HS3ST4: variants seen among roughly 807,000 people sequenced by gnomAD.
HS3ST4 encodes heparan sulfate-glucosamine 3-sulfotransferase 4.
A neutral mutation model predicts 29.2 loss-of-function variants in HS3ST4; 17 were observed. That is an observed-to-expected ratio of 0.58 (90% confidence interval 0.40 to 0.87). The LOEUF is 0.87. Among genes scored for constraint, HS3ST4 ranks in the 40% least tolerant of loss-of-function variants. The pLI, the probability that HS3ST4 is intolerant of heterozygous loss-of-function variation, is 0.00. For synonymous variants in HS3ST4, 314 were observed against 285.7 expected (o/e 1.10, Z -1.00); for missense variants, 627 against 634.5 (o/e 0.99, Z 0.13).
At position 25,720,888 on chromosome 16, in the gene HS3ST4, C is replaced by T. The variant is rs544576522; in HGVS notation, c.734+27737C>T. The stretch of plus-strand genomic sequence containing the variant: ...ACTTCCAAGTGGACAGTTGGATGAA[C>T]AAGTCTGTCTCATCTTGGACTACTC... On this transcript the variant is annotated intron_variant, in intron 1 of 1. Transcript: ENST00000331351. 3.9e-5 allele frequency among the ~76,000 whole-genome samples: 6 copies of T among 152,288 alleles called. No homozygotes were observed. The South Asian group carries it at 1.0e-3, about 26-fold the overall frequency.
At chr16:25,763,927 A>G (rs185759079) in intron 1 of HS3ST4, among the ~76,000 whole-genome samples, 3 of 152,316 alleles carry the variant, frequency 2.0e-5, no homozygotes, top group Admixed American at 2.0e-4. Context: ...TTGCCTGGAG[A>G]TCAGTTAAAA....
At chr16:25,814,472 G>A (rs1967072948) in intron 1 of HS3ST4, among the ~76,000 whole-genome samples, 1 of 152,166 alleles carries the variant, frequency 6.6e-6, no homozygotes, top group African/African-American at 2.4e-5. Flanking sequence ...TCAGCCTCCT[G>A]AGTAGCTGGG....
chr16:26,078,712 A>G (rs1898693896), intron 1 of HS3ST4, among the ~76,000 whole-genome samples: 1 of 152,224 alleles, frequency 6.6e-6, no homozygotes, highest in Admixed American at 6.5e-5. Context: ...ATCTATGTAA[A>G]TTCAACTATT....
In HS3ST4 at chr16:25,692,818, G is replaced by C. The variant is rs1966265029; in HGVS notation, c.401G>C (p.Gly134Ala). Residue 134 changes from glycine to alanine, a missense_variant, in exon 1 of 2, where the codon GGC becomes GCC. Coordinates refer to ENST00000331351, the MANE Select transcript of HS3ST4 (RefSeq NM_006040.3). ...TGGGGGCTGCCGAGCGGCGGCGGAGGCGCCCAGGACGCCTGGCTCCGGACC... is the reference window on the plus strand; with the variant it reads ...TGGGGGCTGCCGAGCGGCGGCGGAGCCGCCCAGGACGCCTGGCTCCGGACC... ...DGWGLPSGGG[G>A]AQDAWLRTPL... The C allele has an allele frequency of 7.2e-7, 1 of 1,385,346 alleles. No homozygotes were observed. Among genetic ancestry groups the C allele is most frequent in the Non-Finnish European group, 9.3e-7 (1 of 1,078,248 alleles). 85.8% of individuals were successfully genotyped at this position (1,385,346 alleles called of 1,614,324 possible). A position where few individuals can be genotyped will look rare whatever the true frequency, so the allele number is the denominator to read the frequency against.
At chr16:26,019,966 G>A (rs555239836) in intron 1 of HS3ST4, among the ~76,000 whole-genome samples, 2 of 152,272 alleles carry the variant, frequency 1.3e-5, no homozygotes, top group Admixed American at 6.5e-5. Context: ...TCTCCAGCGA[G>A]TGATTTAATG....
chr16:26,098,275 A>T (rs1898951841), intron 1 of HS3ST4, among the ~76,000 whole-genome samples: 1 of 152,246 alleles, frequency 6.6e-6, no homozygotes, highest in Admixed American at 6.5e-5. Context: ...CTATAACGAC[A>T]TATGCACCCA....
chr16:25,692,595 C>A lies in HS3ST4; in HGVS notation c.178C>A (p.Gln60Lys). 7.1e-7 allele frequency: 1 copy of A among 1,411,980 alleles called. No individual in the cohort carries two copies. The allele number at this position is 1,411,980 out of a possible 1,614,324, so 87.5% of individuals were successfully genotyped here. A position where few individuals can be genotyped will look rare whatever the true frequency, so the allele number is the denominator to read the frequency against. ...YSLLGGSGSL[Q>K]FPLALQESPG... ...CCTCCTGGGCGGCTCGGGCTCCCTG[C>A]AATTCCCTCTGGCGCTGCAGGAGTC... The change falls in exon 1 of 2, where the codon CAA (glutamine) becomes AAA (lysine). Residue 60 changes from glutamine to lysine, a missense_variant. Gln to Lys is a moderately conservative substitution (Grantham distance 53, BLOSUM62 1). Coordinates refer to ENST00000331351, the MANE Select transcript of HS3ST4 (RefSeq NM_006040.3).
intron 1 of HS3ST4, among the ~76,000 whole-genome samples, chr16:25,728,667 C>T (rs1048102408): frequency 1.3e-5 from 2 of 152,116 alleles, no homozygotes; most frequent in African/African-American, 2.4e-5. Flanking sequence ...CTCAGTAATA[C>T]GGAATCAGAG....
intron 1 of HS3ST4, among the ~76,000 whole-genome samples, chr16:26,052,187 G>A (rs1345339408): frequency 6.6e-6 from 1 of 152,040 alleles, no homozygotes; most frequent in Non-Finnish European, 1.5e-5. Flanking sequence ...TAGACAGAGA[G>A]GCCTTGCTGC....
chr16:26,117,095 T>TA (rs1376597963), intron 1 of HS3ST4, among the ~76,000 whole-genome samples: 2 of 152,186 alleles, frequency 1.3e-5, no homozygotes, highest in African/African-American at 4.8e-5. Flanking sequence ...GAGAGCTTTT[T>TA]AAAAAATACC....
At chr16:26,065,097 A>G (rs1291917953) in intron 1 of HS3ST4, among the ~76,000 whole-genome samples, 2 of 152,350 alleles carry the variant, frequency 1.3e-5, no homozygotes, top group African/African-American at 4.8e-5. Flanking sequence ...CAGAAAAACC[A>G]TTTGACCCAA....
intron 1 of HS3ST4, among the ~76,000 whole-genome samples, chr16:26,002,596 G>C (rs765112636): frequency 6.6e-6 from 1 of 151,222 alleles, no homozygotes; most frequent in Admixed American, 6.6e-5. Flanking sequence ...GGCGGAGCGA[G>C]ACACTGCCAA....
chr16:25,803,970 C>T lies in HS3ST4; in HGVS notation c.734+110819C>T, dbSNP rs75251229. On this transcript the variant is annotated intron_variant, in intron 1 of 1. Coordinates refer to ENST00000331351, the MANE Select transcript of HS3ST4 (RefSeq NM_006040.3). The stretch of plus-strand genomic sequence containing the variant: ...CCCCTCTCCTTCCCTCTCCTCCTCA[C>T]CTCCAGAGTCCAGTAGCCTCTGGGT... 2.0e-5 allele frequency among the ~76,000 whole-genome samples: 3 copies of T among 152,204 alleles called. No individual in the cohort carries two copies. The East Asian group carries it at 5.8e-4, about 29-fold the overall frequency.
At chr16:26,059,114 C>T (rs1898444949) in intron 1 of HS3ST4, among the ~76,000 whole-genome samples, 1 of 152,058 alleles carries the variant, frequency 6.6e-6, no homozygotes, top group Admixed American at 6.6e-5. Flanking sequence ...GCCTCAGGTT[C>T]AAAGAATGAG....
At chr16:25,832,567 G>T (rs1483035470) in intron 1 of HS3ST4, among the ~76,000 whole-genome samples, 2 of 152,204 alleles carry the variant, frequency 1.3e-5, no homozygotes, top group African/African-American at 4.8e-5. Context: ...TTAAGAACAA[G>T]GTGCTGTATA....
intron 1 of HS3ST4, among the ~76,000 whole-genome samples, chr16:25,999,772 TTATATATATTA>T (rs1381167830): frequency 7.4e-6 from 1 of 134,806 alleles, no homozygotes; most frequent in African/African-American, 2.7e-5. Context: ...ATATATATAT[TTATATATATTA>T]TATATATTTT....
intron 1 of HS3ST4, among the ~76,000 whole-genome samples, chr16:25,860,815 A>G (rs1218733792): frequency 6.6e-6 from 1 of 152,224 alleles, no homozygotes; most frequent in East Asian, 1.9e-4. Flanking sequence ...AAATTTGCCC[A>G]GACCCGTAGG....
chr16:25,789,403 TTTCCTTCCTTCCTTCCTTCC>T lies in HS3ST4; in HGVS notation c.734+96300_734+96319del, dbSNP rs745858843. The stretch of plus-strand genomic sequence containing the variant: ...TTTCTTTCTTTCTCTTTCTTTGTTT[TTTCCTTCCTTCCTTCCTTCC>T]TTCCTTCCTTCCTTCCTTCCTTCCT... On this transcript the variant is annotated intron_variant, in intron 1 of 1. Transcript: ENST00000331351. Among the ~76,000 whole-genome samples the T allele has an allele frequency of 1.6e-3, 114 of 72,736 alleles. 1 individual carries two copies. Among genetic ancestry groups the T allele is most frequent in the African/African-American group, 6.6e-3 (101 of 15,360 alleles). The allele number at this position is 72,736 out of a possible 152,430, so 47.7% of individuals were successfully genotyped here.
intron 1 of HS3ST4, among the ~76,000 whole-genome samples, chr16:25,891,729 G>A (rs1968010357): frequency 6.6e-6 from 1 of 152,196 alleles, no homozygotes; most frequent in Non-Finnish European, 1.5e-5. Context: ...TGGGAGATTT[G>A]TTGCCTCCAT....
Sources: gnomAD v4.1 joint callset for allele counts (sites outside exome capture counted in the v4.1 genomes callset) on GRCh38, gnomAD v4.1.1 for gene constraint, MANE v1.5 for transcripts, NCBI Gene and HGNC (gene_info 2026-07-23, HGNC 2026-07-21) for gene names.